Variants in FMN1 observed in about 807,000 individuals in gnomAD.
FMN1 encodes formin-1.
FMN1 carries 110 observed loss-of-function variants against 132.4 expected under a neutral mutation model. The ratio of observed to expected loss-of-function variants is 0.83; its 90% CI spans 0.71 to 0.97. FMN1 has a LOEUF of 0.97. Ranked by LOEUF, FMN1 falls within the 50% of genes least tolerant of loss-of-function variation. The pLI is 0.00. For missense variants in FMN1, 1,792 were observed against 1,705.3 expected (o/e 1.05, Z -0.90); for synonymous variants, 722 against 651.7 (o/e 1.11, Z -1.64).
At chr15:33,129,594 A>G (rs921783) in intron 4 of FMN1, among the ~76,000 whole-genome samples, 134,802 of 152,138 alleles carry the variant, frequency 0.89, 59,826 homozygotes, top group East Asian at 0.97. Flanking sequence ...TCTCACAACC[A>G]TCCACTGTCG....
intron 16 of FMN1, among the ~76,000 whole-genome samples, chr15:32,872,134 G>A (rs1035574479): frequency 1.3e-5 from 2 of 152,004 alleles, no homozygotes; most frequent in Non-Finnish European, 2.9e-5. Context: ...TGAACTTGGG[G>A]GAAGTGTACA....
chr15:32,961,964 G>A (rs1258138863), intron 9 of FMN1, among the ~76,000 whole-genome samples: 2 of 151,990 alleles, frequency 1.3e-5, no homozygotes, highest in Non-Finnish European at 2.9e-5. Context: ...CCGTCATAAT[G>A]AGGTCTACCC....
In FMN1 at chr15:32,770,145, C is replaced by T. The variant is rs2056181624; in HGVS notation, c.*4165G>A. The stretch of plus-strand genomic sequence containing the variant: ...TTGTTTTTGTGGATGGAGATGAGTA[C>T]TACAAAATTGACCAATTTAGTATGT... On this transcript the variant is annotated 3_prime_UTR_variant, in exon 21 of 21. Transcript: ENST00000616417. The T allele has an allele frequency of 6.6e-6, 1 of 152,072 alleles. No homozygotes were observed. Among genetic ancestry groups the T allele is most frequent in the Non-Finnish European group, 1.5e-5 (1 of 68,020 alleles). 9.4% of individuals were successfully genotyped at this position (152,072 alleles called of 1,614,324 possible). A position where few individuals can be genotyped will look rare whatever the true frequency, so the allele number is the denominator to read the frequency against.
chr15:32,833,765 T>C (rs979714873), intron 17 of FMN1, among the ~76,000 whole-genome samples: 2 of 152,186 alleles, frequency 1.3e-5, no homozygotes, highest in African/African-American at 4.8e-5. Flanking sequence ...AGCTGCTTTT[T>C]TCCCCCTGAA....
rs556627113 is a variant in FMN1 at position 32,916,076 on chromosome 15, G to A, written c.3227-5541C>T. 5.9e-5 allele frequency among the ~76,000 whole-genome samples: 9 copies of A among 152,184 alleles called. No individual in the cohort carries two copies. The East Asian group carries it at 1.4e-3, about 23-fold the overall frequency. ...ACAAGGATCATTAGAGTAGTGTTTC[G>A]CCCATTAAGATATAATAACCGTCAG... On this transcript the variant is annotated intron_variant, in intron 10 of 20. Coordinates refer to ENST00000616417, the MANE Select transcript of FMN1 (RefSeq NM_001277313.2).
At chr15:33,101,962 G>A (rs892254273) in intron 4 of FMN1, among the ~76,000 whole-genome samples, 8 of 152,042 alleles carry the variant, frequency 5.3e-5, no homozygotes, top group African/African-American at 1.7e-4. Context: ...TGGACTGACT[G>A]TATACCAGTA....
chr15:32,826,149 G>A (rs964661381), intron 17 of FMN1, among the ~76,000 whole-genome samples: 2 of 152,212 alleles, frequency 1.3e-5, no homozygotes, highest in African/African-American at 4.8e-5. Context: ...CACTGACTTA[G>A]CAGTGGGGTC....
At chr15:33,047,491 C>T (rs890035708) in intron 6 of FMN1, among the ~76,000 whole-genome samples, 1 of 152,202 alleles carries the variant, frequency 6.6e-6, no homozygotes, top group Non-Finnish European at 1.5e-5. Flanking sequence ...TACTCAAGTT[C>T]TAACAGCCTG....
chr15:32,954,172 C>CCA (rs1315930102), intron 9 of FMN1, among the ~76,000 whole-genome samples: 2 of 152,154 alleles, frequency 1.3e-5, no homozygotes, highest in Non-Finnish European at 2.9e-5. Flanking sequence ...TTCAATACCC[C>CCA]CACTACATAA....
At chr15:33,012,768 TG>T in intron 6 of FMN1, 1 of 720,214 alleles carries the variant, frequency 1.4e-6, no homozygotes, top group Non-Finnish European at 2.6e-6. Context: ...TCTTTGGTTA[TG>T]GAGAAAACTT....
intron 9 of FMN1, among the ~76,000 whole-genome samples, chr15:32,929,106 A>C (rs1323193336): frequency 6.6e-6 from 1 of 152,222 alleles, no homozygotes; most frequent in African/African-American, 2.4e-5. Flanking sequence ...ACTGGGACTA[A>C]TGCCTTAAAA....
intron 20 of FMN1, among the ~76,000 whole-genome samples, chr15:32,775,468 A>C (rs1250012566): frequency 6.6e-6 from 1 of 152,156 alleles, no homozygotes; most frequent in Non-Finnish European, 1.5e-5. Context: ...TGGCTGTAAA[A>C]GTCTGGATAG....
intron 16 of FMN1, among the ~76,000 whole-genome samples, chr15:32,870,307 G>A (rs536208158): frequency 1.6e-4 from 24 of 152,234 alleles, no homozygotes; most frequent in Admixed American, 4.6e-4. Context: ...TTTACAGAGC[G>A]GCTGCCTCTT....
intron 9 of FMN1, among the ~76,000 whole-genome samples, chr15:32,936,682 A>G (rs572962306): frequency 6.6e-6 from 1 of 152,026 alleles, no homozygotes; most frequent in South Asian, 2.1e-4. Flanking sequence ...AGGAGGAGAA[A>G]GAAGGAAGGA....
intron 17 of FMN1, among the ~76,000 whole-genome samples, chr15:32,848,102 A>G (rs2058903654): frequency 6.6e-6 from 1 of 152,198 alleles, no homozygotes; most frequent in Admixed American, 6.5e-5. Flanking sequence ...GAAATAAAGA[A>G]CAGGATTATG....
At chr15:33,113,872 C>G (rs186612819) in intron 4 of FMN1, among the ~76,000 whole-genome samples, 2 of 152,328 alleles carry the variant, frequency 1.3e-5, no homozygotes, top group Admixed American at 6.5e-5. Context: ...GAAACCCTGA[C>G]TGGAAACTGC....
chr15:33,032,451 A>G (rs1246627603), intron 6 of FMN1, among the ~76,000 whole-genome samples: 1 of 152,182 alleles, frequency 6.6e-6, no homozygotes, highest in African/African-American at 2.4e-5. Context: ...AAGTTAAGTG[A>G]ATTATTTTCT....
chr15:32,881,061 GTTTT>G (rs1406157109), intron 16 of FMN1, among the ~76,000 whole-genome samples: 1 of 149,816 alleles, frequency 6.7e-6, no homozygotes, highest in African/African-American at 2.4e-5. Context: ...TCATTGTGGG[GTTTT>G]TTGTTTTTGC....
intron 3 of FMN1, among the ~76,000 whole-genome samples, chr15:33,156,227 C>T (rs923204474): frequency 4.0e-5 from 6 of 150,208 alleles, no homozygotes; most frequent in African/African-American, 1.5e-4. Context: ...CCAGGAGAGG[C>T]CTTGCCTCTT....
Sources: gnomAD v4.1 joint callset for allele counts (sites outside exome capture counted in the v4.1 genomes callset) on GRCh38, gnomAD v4.1.1 for gene constraint, MANE v1.5 for transcripts, NCBI Gene and HGNC (gene_info 2026-07-23, HGNC 2026-07-21) for gene names.